The following RAB2B variants were observed in gnomAD, a reference collection of about 807,000 sequenced individuals.
RAB2B encodes ras-related protein Rab-2B.
Under a neutral mutation model 29.8 loss-of-function variants are expected in RAB2B, and 20 were observed. The ratio of observed to expected loss-of-function variants is 0.67; its 90% CI spans 0.47 to 0.97. RAB2B has a LOEUF of 0.97. Among genes scored for constraint, RAB2B ranks in the 50% least tolerant of loss-of-function variants. The pLI, the probability that RAB2B is intolerant of heterozygous loss-of-function variation, is 0.00. For synonymous variants in RAB2B, 93 were observed against 91.7 expected (o/e 1.01, Z -0.08); for missense variants, 218 against 272.0 (o/e 0.80, Z 1.40).
chr14:21,468,240 T>C, intron 5 of RAB2B, 117 bp downstream of exon 5: 1 of 293,466 alleles, frequency 3.4e-6, no homozygotes, highest in Non-Finnish European at 5.7e-6. Context: ...CACAACAAAA[T>C]TTTTTTTTTT....
chr14:21,466,859 C>A, intron 5 of RAB2B, among the ~76,000 whole-genome samples: 1 of 148,206 alleles, frequency 6.7e-6, no homozygotes, highest in Admixed American at 7.0e-5. Flanking sequence ...CAGTGCCCAA[C>A]AGACACATAG....
rs376647270 is a variant in RAB2B, at chr14:21,476,350, T to A, written c.118+178A>T. On this transcript the variant is annotated intron_variant, in intron 2 of 7. Coordinates refer to ENST00000397762, the MANE Select transcript of RAB2B (RefSeq NM_032846.4). ...TACCTTTCAATTATATACTCTCCCT[T>A]ACACTACTCCCCACATATCAACGTT... 53 of 645,054 alleles carry A rather than the reference T, an allele frequency of 8.2e-5. No homozygotes were observed. In the South Asian group the frequency reaches 9.8e-4, roughly 12 times the overall value. The allele number at this position is 645,054 out of a possible 1,614,324, so 40.0% of individuals were successfully genotyped here.
rs951828180 is a variant in RAB2B at position 21,460,051 on chromosome 14, T to C, written c.*1145A>G. 2.3e-6 allele frequency: 1 copy of C among 443,380 alleles called. No homozygotes were observed. Among genetic ancestry groups the C allele is most frequent in the African/African-American group, 2.0e-5 (1 of 49,094 alleles). The allele number at this position is 443,380 out of a possible 1,614,324, so 27.5% of individuals were successfully genotyped here. The stretch of plus-strand genomic sequence containing the variant: ...TGAAGTTACACTAAGAGATAGAAGC[T>C]AATAATAGGATAGTAGAGAAGTACT... On this transcript the variant is annotated 3_prime_UTR_variant, in exon 8 of 8. Coordinates refer to ENST00000397762, the MANE Select transcript of RAB2B (RefSeq NM_032846.4).
In RAB2B at chr14:21,476,166, G is replaced by T. The variant is rs941538622; in HGVS notation, c.118+362C>A. 59 of 194,600 alleles carry T rather than the reference G, an allele frequency of 3.0e-4. 1 individual carries two copies. Among genetic ancestry groups the T allele is most frequent in the African/African-American group, 1.3e-3 (55 of 42,970 alleles). 12.1% of individuals were successfully genotyped at this position (194,600 alleles called of 1,614,324 possible). ...CCAATATAAAAAATGTCCATGTATT[G>T]GTGTTTACTTTTTAAAAGTAAGGCT... On this transcript the variant is annotated intron_variant, in intron 2 of 7. Coordinates refer to ENST00000397762, the MANE Select transcript of RAB2B (RefSeq NM_032846.4).
At chr14:21,465,887 T>C (rs1017779208) in intron 5 of RAB2B, among the ~76,000 whole-genome samples, 29 of 151,604 alleles carry the variant, frequency 1.9e-4, no homozygotes, top group African/African-American at 6.6e-4. Flanking sequence ...GGTGTTTGTA[T>C]AGTTTGTTCC....
chr14:21,467,139 C>A (rs1311532627), intron 5 of RAB2B, among the ~76,000 whole-genome samples: 1 of 151,544 alleles, frequency 6.6e-6, no homozygotes, highest in Non-Finnish European at 1.5e-5. Context: ...GAACTCCTGA[C>A]TTTCTAATCT....
At chr14:21,471,820 C>T (rs919862828) in intron 3 of RAB2B, among the ~76,000 whole-genome samples, 12 of 151,714 alleles carry the variant, frequency 7.9e-5, no homozygotes, top group Admixed American at 7.2e-4. Flanking sequence ...GCATTACAGG[C>T]GCCCGCCACC....
Position 21,476,587 on chromosome 14 carries a change from G to T in RAB2B, c.59C>A (p.Ser20Ter). The T allele has an allele frequency of 6.2e-7, 1 of 1,613,678 alleles. No homozygotes were observed. The highest frequency in any genetic ancestry group is 8.5e-7 in the Non-Finnish European group (1 of 1,179,954). Residue 20 changes from serine to a stop codon, truncating the protein, a stop_gained, in exon 2 of 8, where the codon TCA becomes TAA. Transcript: ENST00000397762. LOFTEE classifies it high-confidence loss of function. ...ATCTGTAAACTGCAGGAGGAGACAT[G>T]ACTTCCCCACACCTGAAAGAGAAAG... is the stretch of plus-strand genomic sequence containing the variant. Reference protein sequence around the residue: ...IIIGDTGVGKSCLLLQFTDKR... With the variant: ...IIIGDTGVGK
intron 3 of RAB2B, 89 bp downstream of exon 3, chr14:21,474,778 G>A (rs1017711581): frequency 2.9e-6 from 3 of 1,051,624 alleles, no homozygotes; most frequent in Non-Finnish European, 4.4e-6. Context: ...CCCACCATTA[G>A]TTCCACCCTC....
At chr14:21,471,193 T>C (rs1229009311) in intron 3 of RAB2B, among the ~76,000 whole-genome samples, 2 of 138,470 alleles carry the variant, frequency 1.4e-5, no homozygotes, top group African/African-American at 5.4e-5. Flanking sequence ...AAAAAAAAAA[T>C]CACTCTACTT....
At chr14:21,476,353 A>G in intron 2 of RAB2B, 175 bp downstream of exon 2, 1 of 650,028 alleles carries the variant, frequency 1.5e-6, no homozygotes. Flanking sequence ...TCTCCCTTAC[A>G]CTACTCCCCA....
chr14:21,468,255 G>A, intron 5 of RAB2B, 102 bp downstream of exon 5: 1 of 832,220 alleles, frequency 1.2e-6, no homozygotes, highest in Non-Finnish European at 1.8e-6. Context: ...TTTTTTTACT[G>A]AAACACTAAG....
intron 3 of RAB2B, among the ~76,000 whole-genome samples, chr14:21,469,846 A>G (rs1890764788): frequency 2.0e-5 from 3 of 152,044 alleles, no homozygotes; most frequent in Admixed American, 6.6e-5. Flanking sequence ...ACTATAAACT[A>G]CTTTTTGGCA....
At chr14:21,461,356 GAC>G in intron 7 of RAB2B, 53 bp from the exon 8 acceptor site, 1 of 1,232,770 alleles carries the variant, frequency 8.1e-7, no homozygotes, top group Admixed American at 1.9e-5. Context: ...GTGAATGAGA[GAC>G]AGGAGGGGGC....
chr14:21,467,115 G>A (rs1458007871), intron 5 of RAB2B, among the ~76,000 whole-genome samples: 1 of 151,904 alleles, frequency 6.6e-6, no homozygotes, highest in Non-Finnish European at 1.5e-5. Context: ...CACCATATTG[G>A]CCAGGCTGGT....
chr14:21,476,273 T>A (rs1046192432), intron 2 of RAB2B: 3 of 427,110 alleles, frequency 7.0e-6, no homozygotes, highest in Non-Finnish European at 1.3e-5. Context: ...ACATACAAAT[T>A]GTATTTGAAA....
At chr14:21,462,979 C>T (rs962940536) in intron 6 of RAB2B, among the ~76,000 whole-genome samples, 2 of 151,962 alleles carry the variant, frequency 1.3e-5, no homozygotes, top group African/African-American at 2.4e-5. Context: ...CCTAGGCTGG[C>T]ACCTTCCACA....
Position 21,461,199 on chromosome 14 carries a change from G to C in RAB2B, c.648C>G (p.Cys216Trp). ...AAAAAAAGTTCAAGCCAGATGTTCA[G>C]CAGCAGCCAGAGTTGGACCCTATGT... ...SRDIGSNSGC[C>W] The change falls in exon 8 of 8, where the codon TGC becomes TGG. Residue 216 changes from cysteine to tryptophan, a missense_variant. Transcript: ENST00000397762. 1 of 1,608,700 alleles carries C rather than the reference G, an allele frequency of 6.2e-7. No individual in the cohort carries two copies. The highest frequency in any genetic ancestry group is 8.5e-7 in the Non-Finnish European group (1 of 1,176,682).
rs1275862876 is a variant in RAB2B, at chr14:21,459,372, G to A, written c.*1824C>T. ...AAACCCAGGGTAAACAAATGAGTGGGGCAGAATTACAGAGAGAGGACTCTA... is the reference window on the plus strand; with the variant it reads ...AAACCCAGGGTAAACAAATGAGTGGAGCAGAATTACAGAGAGAGGACTCTA... On this transcript the variant is annotated 3_prime_UTR_variant, in exon 8 of 8. Coordinates refer to ENST00000397762, the MANE Select transcript of RAB2B (RefSeq NM_032846.4). 1 of 152,130 alleles carries A rather than the reference G, an allele frequency of 6.6e-6. No homozygotes were observed. Among genetic ancestry groups the A allele is most frequent in the African/African-American group, 2.4e-5 (1 of 41,418 alleles). The allele number at this position is 152,130 out of a possible 1,614,324, so 9.4% of individuals were successfully genotyped here.
Sources: gnomAD v4.1 joint callset for allele counts (sites outside exome capture counted in the v4.1 genomes callset) on GRCh38, gnomAD v4.1.1 for gene constraint, MANE v1.5 for transcripts, NCBI Gene and HGNC (gene_info 2026-07-23, HGNC 2026-07-21) for gene names.